The following SLC35F2 variants were observed in gnomAD, a reference collection of about 807,000 sequenced individuals.
SLC35F2 encodes the protein queuine/queuosine transporter SLC35F2.
In SLC35F2, 25 loss-of-function variants were observed where a neutral mutation model predicts 38.1. That is an observed-to-expected ratio of 0.66 (90% CI 0.48 to 0.92). SLC35F2 has a LOEUF of 0.92. SLC35F2 is among the 40% of genes least tolerant of loss of function. SLC35F2 has a pLI of 0.00. For synonymous variants in SLC35F2, 173 were observed against 181.7 expected, an observed-to-expected ratio of 0.95 and a Z score of 0.38; for missense variants, 409 against 452.9, an observed-to-expected ratio of 0.90 and a Z score of 0.88.
intron 3 of SLC35F2, chr11:107,810,556 C>A (rs2134784044): frequency 1.0e-6 from 1 of 985,352 alleles, no homozygotes; most frequent in Non-Finnish European, 1.2e-6. Flanking sequence ...TGATAAACTT[C>A]ATTCTCTAGG....
intron 1 of SLC35F2, among the ~76,000 whole-genome samples, chr11:107,835,261 T>A (rs1056715433): frequency 1.3e-5 from 2 of 152,148 alleles, no homozygotes; most frequent in African/African-American, 4.8e-5. Context: ...AGGTCATCTA[T>A]CTCAAAACAA....
chr11:107,849,768 A>C (rs1011925905), intron 1 of SLC35F2, among the ~76,000 whole-genome samples: 3 of 152,164 alleles, frequency 2.0e-5, no homozygotes, highest in Admixed American at 6.6e-5. Context: ...GAAAGAAGCA[A>C]ACAAAAGAAG....
intron 3 of SLC35F2, among the ~76,000 whole-genome samples, chr11:107,808,854 C>T (rs1480919859): frequency 3.3e-5 from 5 of 152,210 alleles, no homozygotes; most frequent in Admixed American, 6.5e-5. Context: ...ATCTCAACTA[C>T]ATTCCTTAAA....
intron 1 of SLC35F2, among the ~76,000 whole-genome samples, chr11:107,856,627 G>T (rs1346945296): frequency 2.0e-5 from 3 of 152,036 alleles, no homozygotes. Flanking sequence ...AACCCGAAAG[G>T]TTGAGGTTGC....
intron 1 of SLC35F2, among the ~76,000 whole-genome samples, chr11:107,838,681 T>G (rs1484638743): frequency 1.6e-4 from 22 of 139,518 alleles, no homozygotes; most frequent in Admixed American, 1.2e-3. Context: ...CAGGCTGGAG[T>G]GCAGTGGCGC....
At chr11:107,832,626 A>G (rs1859863407) in intron 1 of SLC35F2, among the ~76,000 whole-genome samples, 1 of 152,112 alleles carries the variant, frequency 6.6e-6, no homozygotes, top group Admixed American at 6.5e-5. Flanking sequence ...AACATGATCA[A>G]ATGCCTTCTC....
At chr11:107,834,231 G>T (rs553140290) in intron 1 of SLC35F2, among the ~76,000 whole-genome samples, 1 of 152,184 alleles carries the variant, frequency 6.6e-6, no homozygotes, top group Admixed American at 6.5e-5. Context: ...CTTATTTACA[G>T]GAGAAGCAAG....
At chr11:107,807,580 A>ATTAT (rs1555083071) in intron 3 of SLC35F2, among the ~76,000 whole-genome samples, 2 of 147,208 alleles carry the variant, frequency 1.4e-5, no homozygotes, top group African/African-American at 5.0e-5. Flanking sequence ...TATTATTATT[A>ATTAT]TTTTTTTTTT....
intron 6 of SLC35F2, among the ~76,000 whole-genome samples, chr11:107,804,270 A>C (rs1235190533): frequency 6.6e-6 from 1 of 151,910 alleles, no homozygotes; most frequent in Non-Finnish European, 1.5e-5. Context: ...TCCCATCACC[A>C]TTTTCTTTTC....
chr11:107,818,382 G>A (rs1842798877), intron 1 of SLC35F2, among the ~76,000 whole-genome samples: 1 of 151,900 alleles, frequency 6.6e-6, no homozygotes, highest in Non-Finnish European at 1.5e-5. Context: ...AGTGAGCTGA[G>A]ATCATACCAC....
intron 1 of SLC35F2, chr11:107,823,310 G>T: frequency 1.5e-5 from 9 of 590,474 alleles, no homozygotes; most frequent in Non-Finnish European, 1.9e-5. Context: ...TTATTTGAAT[G>T]CAAATTATGC....
At position 107,823,291 on chromosome 11, in the gene SLC35F2, T is replaced by C. The variant is rs953066362; in HGVS notation, c.111-7326A>G. ...AAAAAAAGGAGTTCCAAGTGACCGA[T>C]AAGATGCATTATTTGAATGCAAATT... On this transcript the variant is annotated intron_variant, in intron 1 of 7. Coordinates refer to ENST00000525815, the MANE Select transcript of SLC35F2 (RefSeq NM_017515.5). The C allele has an allele frequency of 1.3e-5, 11 of 823,922 alleles. No homozygotes were observed. In the East Asian group the frequency reaches 1.4e-3, roughly 102 times the overall value. The allele number at this position is 823,922 out of a possible 1,614,324, so 51.0% of individuals were successfully genotyped here.
chr11:107,823,134 C>T (rs1210986377), intron 1 of SLC35F2: 16 of 985,082 alleles, frequency 1.6e-5, no homozygotes, highest in Non-Finnish European at 1.9e-5. Flanking sequence ...GACAACAAGA[C>T]CCCAGCCCAA....
chr11:107,805,573 G>A (rs1410715083), intron 4 of SLC35F2, 58 bp from the exon 5 acceptor site: 17 of 1,559,692 alleles, frequency 1.1e-5, no homozygotes, highest in Middle Eastern at 1.7e-4. Context: ...CCTCCACAGC[G>A]TGCCTCCAGG....
At chr11:107,841,533 AG>A (rs1317043027) in intron 1 of SLC35F2, among the ~76,000 whole-genome samples, 1 of 141,032 alleles carries the variant, frequency 7.1e-6, no homozygotes, top group Admixed American at 7.8e-5. Flanking sequence ...ACTGCACTCC[AG>A]CCTAGACGAA....
chr11:107,844,054 CTT>C (rs1344749628), intron 1 of SLC35F2, among the ~76,000 whole-genome samples: 2 of 151,752 alleles, frequency 1.3e-5, no homozygotes, highest in Non-Finnish European at 2.9e-5. Flanking sequence ...TTTATATACT[CTT>C]TGCCATCCCT....
intron 7 of SLC35F2, among the ~76,000 whole-genome samples, chr11:107,797,639 C>A (rs1859241540): frequency 6.6e-6 from 1 of 152,158 alleles, no homozygotes; most frequent in Admixed American, 6.6e-5. Context: ...CAGCTGTGGG[C>A]TCCTTGGGTC....
intron 1 of SLC35F2, among the ~76,000 whole-genome samples, chr11:107,846,667 C>T (rs888637303): frequency 6.6e-6 from 1 of 152,166 alleles, no homozygotes; most frequent in African/African-American, 2.4e-5. Flanking sequence ...AGCAGTGGCT[C>T]AAGCATGTAA....
chr11:107,817,503 CAGGAGTGATGTT>C (rs1480626012), intron 1 of SLC35F2, among the ~76,000 whole-genome samples: 40 of 152,204 alleles, frequency 2.6e-4, no homozygotes, highest in African/African-American at 8.4e-4. Context: ...CACACTGCAG[CAGGAGTGATGTT>C]CTGAGTGTTA....
Sources: allele counts gnomAD v4.1 joint callset (sites outside exome capture counted in the v4.1 genomes callset), GRCh38; gene constraint gnomAD v4.1.1; transcripts MANE v1.5; gene names NCBI Gene and HGNC (gene_info 2026-07-23, HGNC 2026-07-21).